CIB4: variants seen among roughly 807,000 people sequenced by gnomAD.
The protein encoded by CIB4 is calcium and integrin binding family member 4.
In CIB4, 25 loss-of-function variants were observed where a neutral mutation model predicts 25.8. That is an observed-to-expected ratio of 0.97 (90% confidence interval 0.71 to 1.35). CIB4 has a LOEUF of 1.35. Among genes scored for constraint, CIB4 ranks in the 40% most tolerant of loss-of-function variants. CIB4 has a pLI of 0.00. For missense variants in CIB4, 235 were observed against 228.2 expected (o/e 1.03, Z -0.19); for synonymous variants, 75 against 81.4 (o/e 0.92, Z 0.42).
intron 4 of CIB4, among the ~76,000 whole-genome samples, chr2:26,584,576 T>G (rs1420554389): frequency 6.6e-6 from 1 of 152,144 alleles, no homozygotes; most frequent in African/African-American, 2.4e-5. Context: ...GAGGCAATAT[T>G]CCCTCCAACC....
chr2:26,605,328 A>T (rs1668867166), intron 3 of CIB4, among the ~76,000 whole-genome samples: 1 of 152,084 alleles, frequency 6.6e-6, no homozygotes, highest in Non-Finnish European at 1.5e-5. Flanking sequence ...AATGTCCTTC[A>T]CCCCTTGTTG....
chr2:26,593,346 A>G (rs1668620640), intron 4 of CIB4, among the ~76,000 whole-genome samples: 2 of 151,716 alleles, frequency 1.3e-5, no homozygotes, highest in South Asian at 2.1e-4. Flanking sequence ...GTGTATATAT[A>G]CATATATACA....
intron 2 of CIB4, among the ~76,000 whole-genome samples, chr2:26,633,930 TC>T (rs1162816857): frequency 6.6e-6 from 1 of 152,092 alleles, no homozygotes; most frequent in Non-Finnish European, 1.5e-5. Flanking sequence ...AGTCCCAGCA[TC>T]CCCCCAGCTC....
chr2:26,632,133 G>A (rs2148225500), intron 2 of CIB4, among the ~76,000 whole-genome samples: 1 of 152,324 alleles, frequency 6.6e-6, no homozygotes, highest in Non-Finnish European at 1.5e-5. Context: ...TGAGCACGCA[G>A]GCCCAGGTTC....
In CIB4 at chr2:26,589,090, TTCTTCTTCTTCTTCTTCC is replaced by T. The variant is rs1457950491; in HGVS notation, c.329-5210_329-5193del. Among the ~76,000 whole-genome samples, 101 of 95,048 alleles carry T rather than the reference TTCTTCTTCTTCTTCTTCC, an allele frequency of 1.1e-3. 12 individuals carry two copies. Among genetic ancestry groups the T allele is most frequent in the African/African-American group, 4.8e-3 (94 of 19,384 alleles). 62.4% of individuals were successfully genotyped at this position (95,048 alleles called of 152,430 possible). Reference sequence around the variant, plus strand: ...CCTCTTCCTCTTCTTCTTCTTCTTCTTCTTCTTCTTCTTCTTCCTCTTCTTCTTCTTCTTCTTCTTCTT... The same window carrying T: ...CCTCTTCCTCTTCTTCTTCTTCTTCTTCTTCTTCTTCTTCTTCTTCTTCTT... On this transcript the variant is annotated intron_variant, in intron 4 of 6. Transcript: ENST00000288861.
intron 4 of CIB4, among the ~76,000 whole-genome samples, chr2:26,586,536 A>G (rs890874742): frequency 1.3e-5 from 2 of 152,224 alleles, no homozygotes; most frequent in African/African-American, 4.8e-5. Context: ...ACAAGGGCAG[A>G]CATCTTTGTC....
At chr2:26,624,313 G>A (rs1024392872) in intron 3 of CIB4, among the ~76,000 whole-genome samples, 10 of 152,180 alleles carry the variant, frequency 6.6e-5, no homozygotes, top group African/African-American at 1.2e-4. Context: ...GGCCACAGAG[G>A]ATGCAGGCAC....
Position 26,631,943 on chromosome 2 carries a change from C to T in CIB4, c.90-2437G>A, listed in dbSNP as rs1356102433. Among the ~76,000 whole-genome samples the T allele has an allele frequency of 7.2e-5, 11 of 152,314 alleles. No individual in the cohort carries two copies. The East Asian group carries it at 1.9e-3, about 27-fold the overall frequency. On this transcript the variant is annotated intron_variant, in intron 2 of 6. Transcript: ENST00000288861. ...TCAGGCCTGGGGCAGTCAGGGCTGG[C>T]CCCTGGGTGCTTCCCTGGGCCTCCT...
chr2:26,640,966 G>A (rs1023303717), intron 1 of CIB4, among the ~76,000 whole-genome samples: 4 of 152,182 alleles, frequency 2.6e-5, no homozygotes, highest in Non-Finnish European at 4.4e-5. Context: ...TCCAACCCAC[G>A]GCCTGCAGGC....
intron 4 of CIB4, among the ~76,000 whole-genome samples, chr2:26,588,978 T>TTTCTTCTTCTTCTCCTTCTTCTTCTTC (rs1668508211): frequency 1.0e-4 from 7 of 69,888 alleles, no homozygotes; most frequent in African/African-American, 3.8e-4. Context: ...CCGCTTCTTC[T>TTTCTTCTTCTTCTCCTTCTTCTTCTTC]TTCTTCTTCT....
chr2:26,586,474 C>T (rs1340448941), intron 4 of CIB4, among the ~76,000 whole-genome samples: 1 of 152,214 alleles, frequency 6.6e-6, no homozygotes, highest in African/African-American at 2.4e-5. Flanking sequence ...TACTCCCCAA[C>T]ACACTACGTG....
intron 2 of CIB4, among the ~76,000 whole-genome samples, chr2:26,632,235 C>T (rs1163034823): frequency 6.6e-6 from 1 of 152,148 alleles, no homozygotes; most frequent in African/African-American, 2.4e-5. Flanking sequence ...GCTGGAGTGG[C>T]GTGTGGTGTT....
At chr2:26,589,333 A>G (rs905205308) in intron 4 of CIB4, among the ~76,000 whole-genome samples, 2 of 139,610 alleles carry the variant, frequency 1.4e-5, no homozygotes, top group African/African-American at 5.4e-5. Flanking sequence ...TTCTTCTTCT[A>G]TTTTTGAGAC....
intron 2 of CIB4, among the ~76,000 whole-genome samples, chr2:26,636,178 A>T (rs1409477324): frequency 6.6e-6 from 1 of 152,134 alleles, no homozygotes; most frequent in African/African-American, 2.4e-5. Flanking sequence ...TCCTTTCCCC[A>T]ACCTCCCAAT....
intron 3 of CIB4, among the ~76,000 whole-genome samples, chr2:26,621,404 A>T (rs957098824): frequency 2.6e-5 from 4 of 152,158 alleles, no homozygotes; most frequent in African/African-American, 7.2e-5. Flanking sequence ...ATTCCATCTA[A>T]ACTCTCAGTC....
chr2:26,633,161 A>G (rs1669465755), intron 2 of CIB4, among the ~76,000 whole-genome samples: 1 of 152,242 alleles, frequency 6.6e-6, no homozygotes, highest in Non-Finnish European at 1.5e-5. Flanking sequence ...AGCCAGAGAT[A>G]CAAACACCAA....
intron 4 of CIB4, among the ~76,000 whole-genome samples, chr2:26,590,596 T>C (rs908956287): frequency 6.6e-6 from 1 of 152,150 alleles, no homozygotes; most frequent in African/African-American, 2.4e-5. Flanking sequence ...TTGATCCTTC[T>C]TCATCCTTCA....
intron 4 of CIB4, among the ~76,000 whole-genome samples, chr2:26,592,509 C>T (rs542649712): frequency 1.9e-4 from 29 of 152,326 alleles, no homozygotes; most frequent in African/African-American, 6.7e-4. Context: ...AAATGTAGGA[C>T]ATTTGGGGCC....
chr2:26,583,025 A>C, intron 5 of CIB4, 112 bp from the exon 6 acceptor site: 1 of 675,806 alleles, frequency 1.5e-6, no homozygotes, highest in Non-Finnish European at 2.7e-6. Flanking sequence ...CATGCTTAAC[A>C]CTTGTCTCCT....
Sources: gnomAD v4.1 joint callset for allele counts (sites outside exome capture counted in the v4.1 genomes callset) on GRCh38, gnomAD v4.1.1 for gene constraint, MANE v1.5 for transcripts, NCBI Gene and HGNC (gene_info 2026-07-23, HGNC 2026-07-21) for gene names.